IREB2: variants seen among roughly 807,000 people sequenced by gnomAD.
The protein encoded by IREB2 is iron responsive element binding protein 2.
Under a neutral mutation model 118.8 loss-of-function variants are expected in IREB2, and 39 were observed. The observed-to-expected ratio is 0.33, with a 90% confidence interval of 0.25 to 0.43. The LOEUF (loss-of-function observed/expected upper bound fraction) is 0.43, where lower values mean the gene tolerates loss of function less well. Among genes scored for constraint, IREB2 ranks in the 20% least tolerant of loss-of-function variants. The pLI, the probability that IREB2 is intolerant of heterozygous loss-of-function variation, is 1.00. For missense variants in IREB2, 900 were observed against 1,147.3 expected (o/e 0.78, Z 3.11); for synonymous variants, 372 against 392.2 (o/e 0.95, Z 0.61).
At chr15:78,460,942 C>G (rs1291979576) in intron 2 of IREB2, among the ~76,000 whole-genome samples, 1 of 151,916 alleles carries the variant, frequency 6.6e-6, no homozygotes, top group East Asian at 1.9e-4. Context: ...TTTGACATGC[C>G]CTTCTAGGTC....
Position 78,494,231 on chromosome 15 carries a change from C to G in IREB2, c.2562C>G (p.Ser854=). Residue 854 remains serine (S), a synonymous_variant, in exon 20 of 22, where the codon TCC becomes TCG. Coordinates refer to ENST00000258886, the MANE Select transcript of IREB2 (RefSeq NM_004136.4). ...GAAAGAAATATGGTTCAGGAAACTC[C>G]AGAGACTGGGCTGCCAAAGGACCGT... The part of the protein sequence containing the change: ...LAGKKYGSGN[S]RDWAAKGPYL... The G allele has an allele frequency of 2.5e-6, 4 of 1,613,974 alleles. No homozygotes were observed. The highest frequency in any genetic ancestry group is 3.4e-6 in the Non-Finnish European group (4 of 1,179,952).
chr15:78,489,584 C>T lies in IREB2; in HGVS notation c.2076+813C>T, dbSNP rs141989348. 3.1e-3 allele frequency among the ~76,000 whole-genome samples: 466 copies of T among 152,252 alleles called. 2 individuals carry two copies. The highest frequency in any genetic ancestry group is 0.011 in the African/African-American group (455 of 41,548). On this transcript the variant is annotated intron_variant, in intron 16 of 21. Transcript: ENST00000258886. Reference sequence around the variant, plus strand: ...CAGGCTGGAGTGCAGTGGCCTGAAGCAGCTCACTGCAGCCTTAACCTCCTG... The same window carrying T: ...CAGGCTGGAGTGCAGTGGCCTGAAGTAGCTCACTGCAGCCTTAACCTCCTG...
chr15:78,461,517 C>A (rs2051196265), intron 2 of IREB2, among the ~76,000 whole-genome samples: 4 of 152,154 alleles, frequency 2.6e-5, no homozygotes, highest in African/African-American at 7.2e-5. Flanking sequence ...TATTTTACTG[C>A]CTCTACTTTT....
At position 78,484,780 on chromosome 15, in the gene IREB2, A is replaced by G; in HGVS notation, c.1433A>G (p.Gln478Arg). 1 of 1,613,160 alleles carries G rather than the reference A, an allele frequency of 6.2e-7. No homozygotes were observed. The highest frequency in any genetic ancestry group is 8.5e-7 in the Non-Finnish European group (1 of 1,179,648). ...GTATAGGTTGGATTTAAAGGCTTCC[A>G]AATTGCAGCTGAAAAACAAAAGGAT... is the stretch of plus-strand genomic sequence containing the variant. Reference protein sequence around the residue: ...LNEKVGFKGFQIAAEKQKDIV... With the variant: ...LNEKVGFKGFRIAAEKQKDIV... Residue 478 changes from glutamine to arginine, a missense_variant, in exon 12 of 22, where the codon CAA (glutamine) becomes CGA (arginine). Gln to Arg is a conservative substitution (Grantham distance 43). Transcript: ENST00000258886.
chr15:78,449,482 G>A (rs1190969667), intron 2 of IREB2, among the ~76,000 whole-genome samples: 1 of 152,208 alleles, frequency 6.6e-6, no homozygotes, highest in African/African-American at 2.4e-5. Context: ...GAAGGCACAT[G>A]TCCTATATAG....
chr15:78,468,419 A>G (rs2051321016), intron 5 of IREB2, among the ~76,000 whole-genome samples: 1 of 150,610 alleles, frequency 6.6e-6, no homozygotes, highest in Non-Finnish European at 1.5e-5. Context: ...TATTTTATCT[A>G]CCTTTTTTTG....
At chr15:78,497,909 C>A (rs2051864705) in intron 21 of IREB2, 124 bp from the exon 22 acceptor site, 1 of 571,798 alleles carries the variant, frequency 1.7e-6, no homozygotes, top group Non-Finnish European at 3.1e-6. Flanking sequence ...AAATTAGAAC[C>A]AAGATAAATC....
At chr15:78,439,346 C>G (rs2050808743) in intron 1 of IREB2, among the ~76,000 whole-genome samples, 1 of 151,750 alleles carries the variant, frequency 6.6e-6, no homozygotes, top group South Asian at 2.1e-4. Flanking sequence ...TAATCAGTCC[C>G]TCTAATGTTA....
In IREB2 at chr15:78,483,754, A is replaced by G. The variant is rs541175962; in HGVS notation, c.1413+320A>G. Among the ~76,000 whole-genome samples the G allele has an allele frequency of 9.2e-5, 14 of 152,148 alleles. No homozygotes were observed. In the East Asian group the frequency reaches 2.7e-3, roughly 29 times the overall value. ...TGGGTCTTGTATTGATGAACAGCATAGATAATTGAATAGTTACATCATCAC... is the reference window on the plus strand; with the variant it reads ...TGGGTCTTGTATTGATGAACAGCATGGATAATTGAATAGTTACATCATCAC... On this transcript the variant is annotated intron_variant, in intron 11 of 21. Coordinates refer to ENST00000258886, the MANE Select transcript of IREB2 (RefSeq NM_004136.4).
intron 16 of IREB2, among the ~76,000 whole-genome samples, chr15:78,489,988 G>T (rs1370060920): frequency 2.0e-5 from 3 of 151,994 alleles, no homozygotes; most frequent in African/African-American, 7.3e-5. Flanking sequence ...AACTTTTTTG[G>T]ACTCTGTGAA....
chr15:78,481,522 AT>A (rs145058390), intron 10 of IREB2, among the ~76,000 whole-genome samples: 6 of 137,958 alleles, frequency 4.3e-5, no homozygotes, highest in African/African-American at 1.3e-4. Context: ...CACCTCGCTA[AT>A]TTTTTTTTTT....
At chr15:78,449,170 C>G (rs2050981020) in intron 2 of IREB2, among the ~76,000 whole-genome samples, 1 of 152,084 alleles carries the variant, frequency 6.6e-6, no homozygotes, top group African/African-American at 2.4e-5. Flanking sequence ...CCTTTTCTTT[C>G]CAATACCATT....
At position 78,497,144 on chromosome 15, in the gene IREB2, G is replaced by A. The variant is rs756686256; in HGVS notation, c.2614G>A (p.Ala872Thr). 1.2e-6 allele frequency: 2 copies of A among 1,613,456 alleles called. No homozygotes were observed. Among genetic ancestry groups the A allele is most frequent in the Non-Finnish European group, 1.7e-6 (2 of 1,179,452 alleles). The change falls in exon 21 of 22, where the codon GCC becomes ACC. Residue 872 changes from alanine (A) to threonine (T), a missense_variant. Ala to Thr is a moderately conservative substitution (Grantham distance 58). Transcript: ENST00000258886. Reference sequence around the variant, plus strand: ...ATTACAGGGTGTGAAAGCTGTTTTGGCCGAAAGTTATGAAAAAATACACAA... The same window carrying A: ...ATTACAGGGTGTGAAAGCTGTTTTGACCGAAAGTTATGAAAAAATACACAA... ...PYLLGVKAVL[A>T]ESYEKIHKDH... is the part of the protein sequence containing the mutation.
At chr15:78,461,568 CAACAGTATT>C (rs1459518348) in intron 2 of IREB2, among the ~76,000 whole-genome samples, 3 of 152,170 alleles carry the variant, frequency 2.0e-5, no homozygotes, top group Non-Finnish European at 4.4e-5. Flanking sequence ...CCTTTACACA[CAACAGTATT>C]AACTAAATTA....
rs747652224 is a variant in IREB2, at chr15:78,466,481, A to G, written c.621A>G (p.Pro207=). ...TPILCPFHLQ[P]VPEPETVLKN... ...TCCTGTGTCCTTTTCATTTGCAACC[A>G]GTGCCTGAGTATGAGATTGTTTTTC... Residue 207 remains proline (P), a synonymous_variant, in exon 5 of 22, where the codon CCA becomes CCG. Transcript: ENST00000258886. The G allele has an allele frequency of 3.1e-6, 5 of 1,607,212 alleles. No individual in the cohort carries two copies. Among genetic ancestry groups the G allele is most frequent in the African/African-American group, 1.3e-5 (1 of 74,898 alleles).
At chr15:78,473,061 C>T (rs895092544) in intron 7 of IREB2, among the ~76,000 whole-genome samples, 181 bp from the exon 8 acceptor site, 6 of 151,970 alleles carry the variant, frequency 3.9e-5, no homozygotes, top group East Asian at 1.9e-4. Context: ...GTTTTTCGAC[C>T]GTGCGAGTGG....
chr15:78,447,486 A>G (rs1404274230), intron 2 of IREB2, among the ~76,000 whole-genome samples: 2 of 152,032 alleles, frequency 1.3e-5, no homozygotes, highest in Non-Finnish European at 2.9e-5. Flanking sequence ...GCGTGCCACC[A>G]TACCTGGCTG....
Position 78,443,939 on chromosome 15 carries a change from C to T in IREB2, c.106+4058C>T, listed in dbSNP as rs531705846. Among the ~76,000 whole-genome samples the T allele has an allele frequency of 2.2e-4, 33 of 152,190 alleles. No homozygotes were observed. In the Middle Eastern group the frequency reaches 0.014, roughly 63 times the overall value. On this transcript the variant is annotated intron_variant, in intron 2 of 21. Transcript: ENST00000258886. ...GGGATTATAGGCGTGAACCACTGCA[C>T]GCAGCCAGTTGTGGGGAATCTCTTT... is the stretch of plus-strand genomic sequence containing the variant.
chr15:78,491,593 G>GA (rs1348566699), intron 18 of IREB2, among the ~76,000 whole-genome samples: 7 of 152,144 alleles, frequency 4.6e-5, no homozygotes, highest in Non-Finnish European at 7.4e-5. Flanking sequence ...TGCATCCCGG[G>GA]TTCAAGCAAT....
Sources: allele counts gnomAD v4.1 joint callset (sites outside exome capture counted in the v4.1 genomes callset), GRCh38; gene constraint gnomAD v4.1.1; transcripts MANE v1.5; gene names NCBI Gene and HGNC (gene_info 2026-07-23, HGNC 2026-07-21).